TPCN1: variants seen among roughly 807,000 people sequenced by gnomAD.
TPCN1 encodes the protein two pore channel protein 1.
Under a neutral mutation model 108.8 loss-of-function variants are expected in TPCN1, and 52 were observed. That is an observed-to-expected ratio of 0.48 (90% CI 0.38 to 0.60). The LOEUF (loss-of-function observed/expected upper bound fraction) is 0.60, where lower values mean the gene tolerates loss of function less well. Ranked by LOEUF, TPCN1 falls within the 20% of genes least tolerant of loss-of-function variation. The pLI, the probability that TPCN1 is intolerant of heterozygous loss-of-function variation, is 0.00. For synonymous variants in TPCN1, 446 were observed against 433.7 expected (o/e 1.03, Z -0.35); for missense variants, 806 against 1,072.8 (o/e 0.75, Z 3.47).
At position 113,266,756 on chromosome 12, in the gene TPCN1, C is replaced by T. The variant is rs534899059; in HGVS notation, c.414+400C>T. 1.3e-5 allele frequency among the ~76,000 whole-genome samples: 2 copies of T among 152,292 alleles called. No individual in the cohort carries two copies. Among genetic ancestry groups the T allele is most frequent in the East Asian group, 1.9e-4 (1 of 5,166 alleles). On this transcript the variant is annotated intron_variant, in intron 4 of 27. Transcript: ENST00000335509. This position sits in a 1 kb window ranked among gnomAD's most constrained non-coding sequence, Gnocchi z 4.2. ...GATGTTTCCTGGGCAGCCCCAGCCCCGCAGATGTCCCTACACCCAGGCCCA... is the reference window on the plus strand; with the variant it reads ...GATGTTTCCTGGGCAGCCCCAGCCCTGCAGATGTCCCTACACCCAGGCCCA...
At chr12:113,247,036 G>C (rs2136507010) in intron 2 of TPCN1, among the ~76,000 whole-genome samples, 2 of 152,336 alleles carry the variant, frequency 1.3e-5, no homozygotes, top group South Asian at 4.2e-4. Context: ...CAAGGCACCA[G>C]GCCACTAGAG....
chr12:113,296,094 G>GTC lies in TPCN1; in HGVS notation c.*22_*23dup. 1 of 1,611,758 alleles carries GTC rather than the reference G, an allele frequency of 6.2e-7. No individual in the cohort carries two copies. The highest frequency in any genetic ancestry group is 1.1e-5 in the South Asian group (1 of 90,958). On this transcript the variant is annotated 3_prime_UTR_variant, in exon 28 of 28. Coordinates refer to ENST00000335509, the MANE Select transcript of TPCN1 (RefSeq NM_017901.6). ...TTACCTAGCCCAGCGCCCGAAAGCC[G>GTC]TCTCTTCTATGCAATAACACAATAG...
chr12:113,258,744 G>C (rs1220009513), intron 2 of TPCN1, among the ~76,000 whole-genome samples: 1 of 152,142 alleles, frequency 6.6e-6, no homozygotes, highest in East Asian at 1.9e-4. Flanking sequence ...TTGTGCCGCT[G>C]TACTCCATTC....
Position 113,272,255 on chromosome 12 carries a change from A to G in TPCN1, c.749-403A>G, listed in dbSNP as rs1955528797. On this transcript the variant is annotated intron_variant, in intron 7 of 27. Coordinates refer to ENST00000335509, the MANE Select transcript of TPCN1 (RefSeq NM_017901.6). This position sits in a 1 kb window ranked among gnomAD's most constrained non-coding sequence, Gnocchi z 4.1. Reference sequence around the variant, plus strand: ...GGACCCTGGCTGCAGGGAGCAGCGGATCCCTTTGGAATTTAGTCAGCTGTC... The same window carrying G: ...GGACCCTGGCTGCAGGGAGCAGCGGGTCCCTTTGGAATTTAGTCAGCTGTC... Among the ~76,000 whole-genome samples, 1 of 152,198 alleles carries G rather than the reference A, an allele frequency of 6.6e-6. No homozygotes were observed. Among genetic ancestry groups the G allele is most frequent in the Non-Finnish European group, 1.5e-5 (1 of 68,038 alleles).
chr12:113,294,967 T>G (rs1956379437), intron 27 of TPCN1, among the ~76,000 whole-genome samples: 1 of 152,244 alleles, frequency 6.6e-6, no homozygotes, highest in Non-Finnish European at 1.5e-5. Context: ...CAAAGCAGCT[T>G]ACACATTCTC....
intron 2 of TPCN1, among the ~76,000 whole-genome samples, chr12:113,246,852 GC>G (rs1370242060): frequency 6.6e-6 from 1 of 152,222 alleles, no homozygotes; most frequent in Admixed American, 6.5e-5. Flanking sequence ...GAGAGGGCCA[GC>G]CCCGGCACAC....
At chr12:113,260,552 C>T in intron 3 of TPCN1, 60 bp downstream of exon 3, 2 of 1,532,704 alleles carry the variant, frequency 1.3e-6, no homozygotes. Context: ...GTGGGGCAGC[C>T]AAGACTCTGT....
rs148025830 is a variant in TPCN1 at position 113,266,326 on chromosome 12, C to G, written c.384C>G (p.Pro128=). 2 of 1,610,206 alleles carry G rather than the reference C, an allele frequency of 1.2e-6. No homozygotes were observed. Among genetic ancestry groups the G allele is most frequent in the Middle Eastern group, 1.6e-4 (1 of 6,062 alleles). The change falls in exon 4 of 28, where the codon CCC becomes CCG. Residue 128 remains proline (P), a synonymous_variant. Transcript: ENST00000335509. The surrounding 1 kb of genome is among the most constrained non-coding windows in gnomAD (Gnocchi z 4.2). The part of the protein sequence containing the change: ...LLLLLSLCEA[P]AVPALRLGIY... The stretch of plus-strand genomic sequence containing the variant: ...TGCTGCTCTCCCTGTGCGAGGCCCC[C>G]GCCGTCCCCGCACTCCGGCTTGGCA...
At chr12:113,283,632 T>C (rs1222134610) in intron 15 of TPCN1, among the ~76,000 whole-genome samples, 2 of 151,404 alleles carry the variant, frequency 1.3e-5, no homozygotes, top group African/African-American at 4.9e-5. Flanking sequence ...AAACCCTGTC[T>C]TAAAAAAAAA....
intron 2 of TPCN1, among the ~76,000 whole-genome samples, chr12:113,249,061 C>A (rs578225730): frequency 6.6e-6 from 1 of 152,160 alleles, no homozygotes; most frequent in South Asian, 2.1e-4. Flanking sequence ...TTCCTGAGGC[C>A]CCTCCTGCCC....
chr12:113,245,607 A>AG (rs1281471351), intron 2 of TPCN1, among the ~76,000 whole-genome samples: 12 of 150,838 alleles, frequency 8.0e-5, no homozygotes, highest in African/African-American at 2.7e-4. Flanking sequence ...TCTCAAAAAA[A>AG]AAAAAAAAAA....
chr12:113,293,361 G>A lies in TPCN1; in HGVS notation c.2334+12G>A, dbSNP rs753437748. 6.2e-7 allele frequency: 1 copy of A among 1,613,274 alleles called. No homozygotes were observed. Among genetic ancestry groups the A allele is most frequent in the Non-Finnish European group, 8.5e-7 (1 of 1,179,662 alleles). On this transcript the variant is annotated intron_variant, in intron 27 of 27. Coordinates refer to ENST00000335509, the MANE Select transcript of TPCN1 (RefSeq NM_017901.6). ...AGGAGGAGATCCAGGTAGGAGCCTG[G>A]CCGACCACGCTGCGAATCCTCCCCC...
chr12:113,239,978 C>G (rs1954045772), intron 2 of TPCN1, among the ~76,000 whole-genome samples: 1 of 152,082 alleles, frequency 6.6e-6, no homozygotes, highest in Admixed American at 6.5e-5. Flanking sequence ...CGCTGCCTTT[C>G]ACTTGTGGGT....
At chr12:113,237,120 G>A (rs1953927333) in intron 2 of TPCN1, among the ~76,000 whole-genome samples, 1 of 152,206 alleles carries the variant, frequency 6.6e-6, no homozygotes, top group Non-Finnish European at 1.5e-5. Context: ...TGCCAGCTCG[G>A]GATGCTGTCT....
intron 2 of TPCN1, among the ~76,000 whole-genome samples, chr12:113,237,537 T>C (rs971256139): frequency 1.2e-4 from 19 of 152,130 alleles, no homozygotes; most frequent in Admixed American, 1.0e-3. Flanking sequence ...TTTTGTATTT[T>C]TAGTAGAGAC....
chr12:113,271,647 G>A (rs769520870), intron 7 of TPCN1, among the ~76,000 whole-genome samples: 62 of 152,244 alleles, frequency 4.1e-4, no homozygotes, highest in Non-Finnish European at 4.7e-4. Context: ...AGCGGAGCAA[G>A]TATGCCAAAG....
At position 113,293,082 on chromosome 12, in the gene TPCN1, C is replaced by T. The variant is rs758190276; in HGVS notation, c.2253+9C>T. 6.2e-6 allele frequency: 10 copies of T among 1,608,608 alleles called. No individual in the cohort carries two copies. Among genetic ancestry groups the T allele is most frequent in the Admixed American group, 1.7e-5 (1 of 59,504 alleles). On this transcript the variant is annotated intron_variant, in intron 26 of 27. Coordinates refer to ENST00000335509, the MANE Select transcript of TPCN1 (RefSeq NM_017901.6). The stretch of plus-strand genomic sequence containing the variant: ...AGATGGAGAGATACCAGGTGAGGAG[C>T]CCAGGCCCTGGTCCGAAGGAGGGAG...
At chr12:113,245,262 C>T (rs1954313468) in intron 2 of TPCN1, among the ~76,000 whole-genome samples, 1 of 150,854 alleles carries the variant, frequency 6.6e-6, no homozygotes, top group Admixed American at 6.6e-5. Context: ...GAGTGAGACC[C>T]TGTCTCCAAA....
chr12:113,269,899 A>T lies in TPCN1; in HGVS notation c.748+54A>T. On this transcript the variant is annotated intron_variant, in intron 7 of 27. Transcript: ENST00000335509. This position sits in a 1 kb window ranked among gnomAD's most constrained non-coding sequence, Gnocchi z 5.0. ...CGCTGGAAAAGCAAGTTCACGGTGG[A>T]TGAAAAATTATTTTGGGCCTGGCTC... 1 of 1,586,078 alleles carries T rather than the reference A, an allele frequency of 6.3e-7. No individual in the cohort carries two copies. Among genetic ancestry groups the T allele is most frequent in the Non-Finnish European group, 8.6e-7 (1 of 1,157,084 alleles).
Sources: allele counts gnomAD v4.1 joint callset (sites outside exome capture counted in the v4.1 genomes callset), GRCh38; gene constraint gnomAD v4.1.1; non-coding constraint Gnocchi (gnomAD v3.1); transcripts MANE v1.5; gene names NCBI Gene and HGNC (gene_info 2026-07-23, HGNC 2026-07-21).